The following COL26A1 variants were observed in gnomAD, a reference collection of about 807,000 sequenced individuals.
The protein encoded by COL26A1 is collagen type XXVI alpha 1 chain.
COL26A1 carries 41 observed loss-of-function variants against 59.3 expected under a neutral mutation model. That is an observed-to-expected ratio of 0.69 (90% CI 0.54 to 0.90). The LOEUF (loss-of-function observed/expected upper bound fraction) is 0.90, where lower values mean the gene tolerates loss of function less well. COL26A1 is among the 40% of genes least tolerant of loss of function. The pLI is 0.00. For missense variants in COL26A1, 612 were observed against 602.3 expected, an observed-to-expected ratio of 1.02 and a Z score of -0.17; for synonymous variants, 266 against 256.0, an observed-to-expected ratio of 1.04 and a Z score of -0.37.
At chr7:101,412,304 C>T (rs146954429) in intron 1 of COL26A1, among the ~76,000 whole-genome samples, 229 of 152,230 alleles carry the variant, frequency 1.5e-3, no homozygotes, top group African/African-American at 5.3e-3. Flanking sequence ...CTAAAGCTAC[C>T]ACCCTCATCC....
At chr7:101,362,558 A>G (rs986874272), upstream of COL26A1, among the ~76,000 whole-genome samples, 2 of 152,228 alleles carry the variant, frequency 1.3e-5, no homozygotes, top group Non-Finnish European at 2.9e-5. Flanking sequence ...CATCGAGGGC[A>G]GTGTGGCGAG....
intron 10 of COL26A1, among the ~76,000 whole-genome samples, chr7:101,551,814 T>C (rs1795869442): frequency 6.6e-6 from 1 of 151,892 alleles, no homozygotes; most frequent in South Asian, 2.1e-4. Flanking sequence ...GCTTCCTTGA[T>C]GCCCAAGCCT....
In COL26A1 at chr7:101,450,129, A is replaced by G. The variant is rs527909550; in HGVS notation, c.385+2342A>G. On this transcript the variant is annotated intron_variant, in intron 3 of 12. Transcript: ENST00000313669. ...ACAGAGTGAGACTCAGTCTCAAAAA[A>G]AAAAAAAAAAGATACAGATTAAAAT... Among the ~76,000 whole-genome samples, 544 of 152,006 alleles carry G rather than the reference A, an allele frequency of 3.6e-3. 3 individuals carry two copies. Among genetic ancestry groups the G allele is most frequent in the Non-Finnish European group, 6.0e-3 (410 of 67,980 alleles).
chr7:101,433,844 G>A (rs1002611509), intron 2 of COL26A1, among the ~76,000 whole-genome samples: 16 of 152,204 alleles, frequency 1.1e-4, no homozygotes, highest in African/African-American at 2.9e-4. Flanking sequence ...CACCAACCCA[G>A]GAGTGCCTTG....
chr7:101,408,474 C>T (rs1792177344), intron 1 of COL26A1, among the ~76,000 whole-genome samples: 1 of 152,186 alleles, frequency 6.6e-6, no homozygotes, highest in South Asian at 2.1e-4. Flanking sequence ...GTTGACAGCA[C>T]TTCCTGTAGC....
chr7:101,444,818 A>C (rs997570453), intron 2 of COL26A1, among the ~76,000 whole-genome samples: 5 of 149,032 alleles, frequency 3.4e-5, no homozygotes, highest in African/African-American at 9.7e-5. Context: ...GCTAGAGGGG[A>C]CTTTATTTTT....
chr7:101,393,594 C>A (rs1264607122), intron 1 of COL26A1, among the ~76,000 whole-genome samples: 1 of 152,120 alleles, frequency 6.6e-6, no homozygotes, highest in Non-Finnish European at 1.5e-5. Flanking sequence ...ACTTTGCATC[C>A]TTCAATCCAA....
chr7:101,439,300 C>T (rs1792989932), intron 2 of COL26A1, among the ~76,000 whole-genome samples: 1 of 151,012 alleles, frequency 6.6e-6, no homozygotes, highest in Non-Finnish European at 1.5e-5. Flanking sequence ...GAAAGGCTTC[C>T]TGGAGGAGGT....
chr7:101,401,738 GGAGGAGGAA>G (rs372423361), intron 1 of COL26A1, among the ~76,000 whole-genome samples: 193 of 144,938 alleles, frequency 1.3e-3, no homozygotes, highest in African/African-American at 3.6e-3. Context: ...AGGAAGAGAA[GGAGGAGGAA>G]GAGGAGGAAG....
chr7:101,366,992 T>C (rs1010354), intron 1 of COL26A1, among the ~76,000 whole-genome samples: 87,707 of 151,562 alleles, frequency 0.58, 26,911 homozygotes, highest in African/African-American at 0.8. Flanking sequence ...GATTTAGCTA[T>C]TTCCTTCCCA....
chr7:101,385,264 T>C (rs112823304), intron 1 of COL26A1, among the ~76,000 whole-genome samples: 3,770 of 134,662 alleles, frequency 0.028, 137 homozygotes, highest in African/African-American at 0.1. Flanking sequence ...CACACACACA[T>C]ATATATGTGT....
intron 5 of COL26A1, among the ~76,000 whole-genome samples, chr7:101,543,373 T>TGG (rs1454747208): frequency 6.6e-6 from 1 of 152,098 alleles, no homozygotes; most frequent in Non-Finnish European, 1.5e-5. Flanking sequence ...TCTCACTATG[T>TGG]GGCCCAGGCT....
chr7:101,511,153 C>T (rs770037332), intron 3 of COL26A1, among the ~76,000 whole-genome samples: 24 of 151,232 alleles, frequency 1.6e-4, no homozygotes, highest in Non-Finnish European at 2.2e-4. Context: ...CCACCCGCCT[C>T]GGCCTCCCAA....
intron 4 of COL26A1, among the ~76,000 whole-genome samples, chr7:101,538,021 C>A (rs1795519476): frequency 6.6e-6 from 1 of 152,088 alleles, no homozygotes; most frequent in South Asian, 2.1e-4. Flanking sequence ...AGCAGCCAGG[C>A]CTGAAAGGGG....
chr7:101,379,115 G>T (rs1791388961), intron 1 of COL26A1, among the ~76,000 whole-genome samples: 1 of 152,098 alleles, frequency 6.6e-6, no homozygotes, highest in South Asian at 2.1e-4. Context: ...TTCTGGGAGG[G>T]TTTATCTCCC....
chr7:101,386,866 G>A (rs1047879120), intron 1 of COL26A1, among the ~76,000 whole-genome samples: 15 of 152,148 alleles, frequency 9.9e-5, no homozygotes, highest in African/African-American at 3.6e-4. Flanking sequence ...ACTGGAAGGG[G>A]GTGGTAGCAT....
At chr7:101,400,135 G>A (rs931322874) in intron 1 of COL26A1, among the ~76,000 whole-genome samples, 3 of 152,116 alleles carry the variant, frequency 2.0e-5, no homozygotes, top group Non-Finnish European at 4.4e-5. Context: ...TGTGGAAGAC[G>A]AGTAGGTGGC....
At chr7:101,448,981 A>G (rs1793266657) in intron 3 of COL26A1, among the ~76,000 whole-genome samples, 1 of 152,226 alleles carries the variant, frequency 6.6e-6, no homozygotes, top group African/African-American at 2.4e-5. Flanking sequence ...AGAGACTCTG[A>G]CAATTGCTTC....
intron 2 of COL26A1, among the ~76,000 whole-genome samples, chr7:101,437,733 C>T (rs1333532158): frequency 6.7e-6 from 1 of 148,942 alleles, no homozygotes; most frequent in African/African-American, 2.6e-5. Flanking sequence ...TGCCACTACA[C>T]CCCACTAATT....
Sources: gnomAD v4.1 joint callset for allele counts (sites outside exome capture counted in the v4.1 genomes callset) on GRCh38, gnomAD v4.1.1 for gene constraint, MANE v1.5 for transcripts, NCBI Gene and HGNC (gene_info 2026-07-23, HGNC 2026-07-21) for gene names.